The following AOAH variants were observed in gnomAD, a reference collection of about 807,000 sequenced individuals.
The protein encoded by AOAH is acyloxyacyl hydrolase (neutrophil).
In AOAH, 64 loss-of-function variants were observed where a neutral mutation model predicts 92.2. The ratio of observed to expected loss-of-function variants is 0.69; its 90% confidence interval spans 0.57 to 0.86. AOAH has a LOEUF of 0.86. Among genes scored for constraint, AOAH ranks in the 40% least tolerant of loss-of-function variants. AOAH has a pLI of 0.00. For synonymous variants in AOAH, 263 were observed against 254.5 expected, an observed-to-expected ratio of 1.03 and a Z score of -0.32; for missense variants, 656 against 694.6, an observed-to-expected ratio of 0.94 and a Z score of 0.62.
intron 19 of AOAH, among the ~76,000 whole-genome samples, chr7:36,525,584 C>T (rs1389582458): frequency 6.6e-6 from 1 of 152,146 alleles, no homozygotes; most frequent in African/African-American, 2.4e-5. Context: ...GTTAGTGATG[C>T]AGGTTGAGCA....
chr7:36,545,799 G>A (rs1044296235), intron 15 of AOAH, among the ~76,000 whole-genome samples: 3 of 152,270 alleles, frequency 2.0e-5, no homozygotes, highest in South Asian at 2.1e-4. Context: ...TACCATGTTC[G>A]TTTCAGGGAT....
chr7:36,624,776 C>T (rs1226601444), intron 6 of AOAH, among the ~76,000 whole-genome samples: 3 of 152,158 alleles, frequency 2.0e-5, no homozygotes, highest in Admixed American at 2.0e-4. Flanking sequence ...CAGGACTGGC[C>T]AACATGGCCT....
At chr7:36,604,714 T>TAAC (rs539441252) in intron 11 of AOAH, among the ~76,000 whole-genome samples, 74 of 152,306 alleles carry the variant, frequency 4.9e-4, no homozygotes, top group African/African-American at 1.8e-3. Context: ...GAGAATGACC[T>TAAC]AACTTTCCCC....
intron 19 of AOAH, among the ~76,000 whole-genome samples, chr7:36,527,540 G>T (rs1030859216): frequency 1.3e-5 from 2 of 151,914 alleles, no homozygotes; most frequent in African/African-American, 4.8e-5. Context: ...TGGGGGGTGG[G>T]TTGGACATCA....
Position 36,686,692 on chromosome 7 carries a change from T to C in AOAH, c.223+7A>G. ...ACCCTCAGCAGTATGACTCGTCCCATATTTACCAGGCAGGTAGCTGCACAG... is the reference window on the plus strand; with the variant it reads ...ACCCTCAGCAGTATGACTCGTCCCACATTTACCAGGCAGGTAGCTGCACAG... On this transcript the variant is annotated splice_region_variant and intron_variant, in intron 2 of 20. Transcript: ENST00000617537. 6.6e-7 allele frequency: 1 copy of C among 1,513,616 alleles called. No individual in the cohort carries two copies. The allele number at this position is 1,513,616 out of a possible 1,614,324, so 93.8% of individuals were successfully genotyped here. A position where few individuals can be genotyped will look rare whatever the true frequency, so the allele number is the denominator to read the frequency against.
intron 4 of AOAH, among the ~76,000 whole-genome samples, chr7:36,656,265 GAC>G (rs1794882910): frequency 6.6e-6 from 1 of 152,194 alleles, no homozygotes. Flanking sequence ...GAAGAAGCCA[GAC>G]ACAAAGGAGC....
At chr7:36,657,074 T>C (rs1794939534) in intron 4 of AOAH, among the ~76,000 whole-genome samples, 1 of 152,168 alleles carries the variant, frequency 6.6e-6, no homozygotes, top group South Asian at 2.1e-4. Flanking sequence ...AAATTGTATA[T>C]GCATTATCAT....
intron 13 of AOAH, among the ~76,000 whole-genome samples, chr7:36,553,947 G>A (rs1184624159): frequency 1.3e-5 from 2 of 152,102 alleles, no homozygotes; most frequent in African/African-American, 4.8e-5. Flanking sequence ...TGTTCACTCT[G>A]ATGGTAGTTT....
At chr7:36,611,734 C>T (rs1350665984) in intron 11 of AOAH, among the ~76,000 whole-genome samples, 1 of 152,194 alleles carries the variant, frequency 6.6e-6, no homozygotes, top group African/African-American at 2.4e-5. Context: ...ACCTCATTAA[C>T]GATCACCACT....
At chr7:36,554,693 C>T (rs907317942) in intron 13 of AOAH, among the ~76,000 whole-genome samples, 3 of 150,986 alleles carry the variant, frequency 2.0e-5, no homozygotes, top group Non-Finnish European at 4.4e-5. Context: ...TTGAAGAGGT[C>T]CTTCACGTCC....
At chr7:36,636,325 C>T (rs187618458) in intron 5 of AOAH, among the ~76,000 whole-genome samples, 543 of 152,016 alleles carry the variant, frequency 3.6e-3, no homozygotes, top group South Asian at 1.0e-2. Flanking sequence ...GGAATCCTGC[C>T]CCGTGAATTA....
chr7:36,574,012 A>C (rs1378948293), intron 13 of AOAH, among the ~76,000 whole-genome samples: 2 of 152,178 alleles, frequency 1.3e-5, no homozygotes, highest in Non-Finnish European at 2.9e-5. Flanking sequence ...GTAATTTAGC[A>C]TGGGTAGTCA....
At chr7:36,518,856 C>T (rs1393073463) in intron 20 of AOAH, among the ~76,000 whole-genome samples, 1 of 152,154 alleles carries the variant, frequency 6.6e-6, no homozygotes, top group Non-Finnish European at 1.5e-5. Flanking sequence ...CTGGGCCATC[C>T]TTACACTGGC....
At chr7:36,623,293 A>G (rs1562632246) in intron 6 of AOAH, 43 bp from the exon 7 acceptor site, 3 of 1,570,824 alleles carry the variant, frequency 1.9e-6, no homozygotes, top group Non-Finnish European at 2.6e-6. Flanking sequence ...TAACAAAAAA[A>G]GTAACAGTGT....
chr7:36,525,892 C>T (rs1463416387), intron 19 of AOAH, among the ~76,000 whole-genome samples: 1 of 152,126 alleles, frequency 6.6e-6, no homozygotes, highest in African/African-American at 2.4e-5. Flanking sequence ...TGAGCAATCC[C>T]ATAATTGTGG....
intron 10 of AOAH, among the ~76,000 whole-genome samples, chr7:36,617,021 A>T (rs1485774501): frequency 6.6e-6 from 1 of 152,214 alleles, no homozygotes; most frequent in Non-Finnish European, 1.5e-5. Context: ...CAATCACTTC[A>T]TCTGACTCTG....
At chr7:36,566,450 G>A (rs1583835007) in intron 13 of AOAH, among the ~76,000 whole-genome samples, 1 of 151,274 alleles carries the variant, frequency 6.6e-6, no homozygotes, top group Non-Finnish European at 1.5e-5. Context: ...GTGGGTTCAG[G>A]TATTTAATTC....
chr7:36,543,909 A>G (rs928147472), intron 15 of AOAH, among the ~76,000 whole-genome samples: 1 of 151,146 alleles, frequency 6.6e-6, no homozygotes, highest in Non-Finnish European at 1.5e-5. Context: ...CTGTCCCTGA[A>G]AAGTTTTCTT....
intron 4 of AOAH, among the ~76,000 whole-genome samples, chr7:36,644,313 T>C (rs1403697181): frequency 6.6e-6 from 1 of 152,044 alleles, no homozygotes; most frequent in South Asian, 2.1e-4. Flanking sequence ...CGCTGGGAGA[T>C]AGATGTTAAA....
Sources: gnomAD v4.1 joint callset for allele counts (sites outside exome capture counted in the v4.1 genomes callset) on GRCh38, gnomAD v4.1.1 for gene constraint, MANE v1.5 for transcripts, NCBI Gene and HGNC (gene_info 2026-07-23, HGNC 2026-07-21) for gene names.